DZIP3: variants seen among roughly 807,000 people sequenced by gnomAD.
The protein encoded by DZIP3 is E3 ubiquitin-protein ligase DZIP3.
DZIP3 carries 118 observed loss-of-function variants against 162.0 expected under a neutral mutation model. The observed-to-expected ratio is 0.73, with a 90% CI of 0.63 to 0.85. The LOEUF (loss-of-function observed/expected upper bound fraction) is 0.85, where lower values mean the gene tolerates loss of function less well. DZIP3 is among the 40% of genes least tolerant of loss of function. The probability of loss-of-function intolerance (pLI) is 0.00; values close to 1 mark genes in which losing one functional copy is unlikely to be tolerated. For missense variants in DZIP3, 1,331 were observed against 1,407.0 expected (o/e 0.95, Z 0.86); for synonymous variants, 438 against 458.6 (o/e 0.96, Z 0.57).
At chr3:108,626,501 A>G (rs1370030236) in intron 7 of DZIP3, among the ~76,000 whole-genome samples, 1 of 152,202 alleles carries the variant, frequency 6.6e-6, no homozygotes, top group Non-Finnish European at 1.5e-5. Context: ...GAGTTTTTGG[A>G]GTATTGGCTA....
intron 3 of DZIP3, 86 bp from the exon 4 acceptor site, chr3:108,611,087 CT>C: frequency 6.1e-6 from 8 of 1,318,012 alleles, no homozygotes; most frequent in African/African-American, 1.5e-5. Context: ...AGCTTTGTTC[CT>C]TTTTTAATGC....
intron 31 of DZIP3, 34 bp from the exon 32 acceptor site, chr3:108,690,753 C>G: frequency 1.9e-6 from 3 of 1,595,446 alleles, no homozygotes; most frequent in Non-Finnish European, 2.6e-6. Flanking sequence ...TAGGCTACAT[C>G]TGAGAGACTG....
intron 23 of DZIP3, 126 bp downstream of exon 23, chr3:108,672,782 C>T (rs1943972341): frequency 1.9e-5 from 14 of 735,544 alleles, no homozygotes; most frequent in South Asian, 1.2e-4. Context: ...TAGGATCAGC[C>T]AGGAAAATAC....
chr3:108,592,298 A>G (rs1296820774), intron 1 of DZIP3, among the ~76,000 whole-genome samples: 3 of 152,198 alleles, frequency 2.0e-5, no homozygotes, highest in Non-Finnish European at 4.4e-5. Context: ...GGTGACTGAT[A>G]GTGGATGTGA....
chr3:108,617,584 A>G (rs2107533910), intron 5 of DZIP3, among the ~76,000 whole-genome samples: 1 of 152,316 alleles, frequency 6.6e-6, no homozygotes, highest in East Asian at 1.9e-4. Flanking sequence ...CCCAGACACC[A>G]AAAAAGGGAG....
At chr3:108,625,242 T>C (rs2107566982) in intron 6 of DZIP3, among the ~76,000 whole-genome samples, 1 of 152,250 alleles carries the variant, frequency 6.6e-6, no homozygotes, top group Non-Finnish European at 1.5e-5. Context: ...TCCAGACCTA[T>C]GTTGTTTATG....
chr3:108,636,728 CTTTT>C lies in DZIP3; in HGVS notation c.1011+29_1011+32del. On this transcript the variant is annotated intron_variant, in intron 11 of 32. Transcript: ENST00000361582. ...ATTTTGGTGAGTATCTTGTTTTGTC[CTTTT>C]TTTTTTTTCTTGCTTTCCTTCCTTG... The C allele has an allele frequency of 7.5e-6, 7 of 932,494 alleles. No individual in the cohort carries two copies. Among genetic ancestry groups the C allele is most frequent in the South Asian group, 3.6e-5 (2 of 54,926 alleles). The allele number at this position is 932,494 out of a possible 1,614,324, so 57.8% of individuals were successfully genotyped here.
chr3:108,603,386 A>G (rs1481873991), intron 1 of DZIP3, among the ~76,000 whole-genome samples: 2 of 152,206 alleles, frequency 1.3e-5, no homozygotes, highest in Non-Finnish European at 2.9e-5. Context: ...GATCTGATCT[A>G]GTGTGAATGA....
At chr3:108,619,913 A>C (rs78641700) in intron 5 of DZIP3, among the ~76,000 whole-genome samples, 3 of 151,954 alleles carry the variant, frequency 2.0e-5, no homozygotes, top group East Asian at 1.9e-4. Context: ...AAAAAAAAAA[A>C]AACAGGAAAT....
rs115524542 is a variant in DZIP3, at chr3:108,683,786, C to G, written c.2884-430C>G. On this transcript the variant is annotated intron_variant, in intron 26 of 32. Transcript: ENST00000361582. The stretch of plus-strand genomic sequence containing the variant: ...TTTCTATGGATAACTTTGGGTTGTT[C>G]TGTGAAATTTCTGAGTATCAATATT... Among the ~76,000 whole-genome samples, 1,315 of 152,260 alleles carry G rather than the reference C, an allele frequency of 8.6e-3. 16 individuals are homozygous for G. The highest frequency in any genetic ancestry group is 0.03 in the African/African-American group (1,257 of 41,538).
chr3:108,624,492 G>A lies in DZIP3; in HGVS notation c.424G>A (p.Gly142Arg). 6.3e-7 allele frequency: 1 copy of A among 1,592,792 alleles called. No individual in the cohort carries two copies. The highest frequency in any genetic ancestry group is 8.6e-7 in the Non-Finnish European group (1 of 1,167,194). The part of the protein sequence containing the change: ...GYYLTLLFLY[G>R]VALTERGKKE... ...TTATTTGACATTACTGTTTTTATAT[G>A]GAGTAGCACTCACTGAAAGAGGAAA... Residue 142 changes from glycine to arginine, a missense_variant, in exon 6 of 33, where the codon GGA becomes AGA. Physicochemically the swap from Gly to Arg is moderately radical, Grantham distance 125 (BLOSUM62 -2). Transcript: ENST00000361582.
chr3:108,637,729 A>G (rs895271208), intron 12 of DZIP3, among the ~76,000 whole-genome samples, 181 bp downstream of exon 12: 1 of 152,180 alleles, frequency 6.6e-6, no homozygotes, highest in Non-Finnish European at 1.5e-5. Context: ...AGACATTTAC[A>G]TTCTAAAGCG....
intron 7 of DZIP3, among the ~76,000 whole-genome samples, chr3:108,627,634 G>A (rs1404866789): frequency 6.6e-6 from 1 of 152,114 alleles, no homozygotes; most frequent in Non-Finnish European, 1.5e-5. Flanking sequence ...GTCCTTTCTA[G>A]GAAAGTAAAT....
At position 108,606,916 on chromosome 3, in the gene DZIP3, G is replaced by A. The variant is rs566921899; in HGVS notation, c.33-1173G>A. On this transcript the variant is annotated intron_variant, in intron 2 of 32. Transcript: ENST00000361582. ...TGTATCTGGGATTGAGAAGTATTGG[G>A]TTAAAGAGGGAATGATCATGAAATG... Among the ~76,000 whole-genome samples, 16 of 152,232 alleles carry A rather than the reference G, an allele frequency of 1.1e-4. 1 individual carries two copies. The highest frequency in any genetic ancestry group is 6.5e-4 in the Admixed American group (10 of 15,292).
intron 25 of DZIP3, among the ~76,000 whole-genome samples, chr3:108,676,707 C>A (rs191159707): frequency 6.6e-6 from 1 of 151,818 alleles, no homozygotes; most frequent in Admixed American, 6.6e-5. Context: ...TCTCCAAACT[C>A]TTTCTTACTC....
At chr3:108,602,663 G>A (rs1940091213) in intron 1 of DZIP3, among the ~76,000 whole-genome samples, 1 of 152,108 alleles carries the variant, frequency 6.6e-6, no homozygotes, top group Admixed American at 6.5e-5. Flanking sequence ...TTTCTTAAAA[G>A]GTTTCCTCTT....
Position 108,669,706 on chromosome 3 carries a change from G to T in DZIP3, c.2449G>T (p.Asp817Tyr). The part of the protein sequence containing the change: ...SKLQRQIHAK[D>Y]NEIKNLKEQL... ...ATTACAGCGTCAAATCCATGCTAAA[G>T]ATAATGAAATCAAGAACCTTAAAGA... The change falls in exon 22 of 33, where the codon GAT (aspartate) becomes TAT (tyrosine). Residue 817 changes from aspartate (D) to tyrosine (Y), a missense_variant. Around this residue, in one of 2 missense-constraint regions of DZIP3, gnomAD observed 1,278 missense variants for 1,317.1 expected, o/e 0.97. Transcript: ENST00000361582. The T allele has an allele frequency of 6.2e-7, 1 of 1,611,264 alleles. No homozygotes were observed. Among genetic ancestry groups the T allele is most frequent in the Non-Finnish European group, 8.5e-7 (1 of 1,178,342 alleles).
chr3:108,678,448 C>A (rs1314299494), intron 26 of DZIP3, among the ~76,000 whole-genome samples: 1 of 151,964 alleles, frequency 6.6e-6, no homozygotes, highest in Non-Finnish European at 1.5e-5. Context: ...TGAAACATCT[C>A]AATGTAATAC....
intron 7 of DZIP3, 22 bp from the exon 8 acceptor site, chr3:108,629,040 C>T (rs760983513): frequency 1.3e-6 from 2 of 1,492,830 alleles, no homozygotes; most frequent in African/African-American, 1.4e-5. Context: ...TCAAACTAAC[C>T]TTATTTTAAA....
Sources: gnomAD v4.1 joint callset for allele counts (sites outside exome capture counted in the v4.1 genomes callset) on GRCh38, gnomAD v4.1.1 for gene constraint, gnomAD v4.1.1 regional missense constraint, MANE v1.5 for transcripts, NCBI Gene and HGNC (gene_info 2026-07-23, HGNC 2026-07-21) for gene names.